EHMT1: variants seen among roughly 807,000 people sequenced by gnomAD.
EHMT1 encodes histone-lysine N-methyltransferase EHMT1.
In EHMT1, 15 loss-of-function variants were observed where a neutral mutation model predicts 147.2. That is an observed-to-expected ratio of 0.10 (90% CI 0.07 to 0.16). EHMT1 has a LOEUF of 0.16. Among genes scored for constraint, EHMT1 ranks in the 10% least tolerant of loss-of-function variants. EHMT1 has a pLI of 1.00. For missense variants in EHMT1, 1,587 were observed against 1,772.4 expected (o/e 0.90, Z 1.88); for synonymous variants, 795 against 709.6 (o/e 1.12, Z -1.91).
chr9:137,811,730 G>C, intron 19 of EHMT1, 115 bp downstream of exon 19: 1 of 1,378,890 alleles, frequency 7.3e-7, no homozygotes, highest in South Asian at 1.2e-5. Context: ...CAGGCCCTCT[G>C]TTCCTTCGTG....
intron 16 of EHMT1, among the ~76,000 whole-genome samples, chr9:137,795,401 G>GCACGCACACACACACACACACA (rs1554887413): frequency 3.6e-4 from 47 of 130,176 alleles, no homozygotes; most frequent in Non-Finnish European, 6.4e-4. Context: ...ATCGCAGGGT[G>GCACGCACACACACACACACACA]CACACACACA....
intron 6 of EHMT1, among the ~76,000 whole-genome samples, chr9:137,750,843 A>G (rs1204391423): frequency 6.6e-6 from 1 of 152,242 alleles, no homozygotes; most frequent in African/African-American, 2.4e-5. Flanking sequence ...TGTGACATGT[A>G]TAAAGGTCGA....
chr9:137,771,879 C>T (rs1227186692), intron 10 of EHMT1, among the ~76,000 whole-genome samples: 1 of 152,112 alleles, frequency 6.6e-6, no homozygotes, highest in Non-Finnish European at 1.5e-5. Context: ...TTGTATCTCG[C>T]TCAGGAGCGG....
intron 4 of EHMT1, among the ~76,000 whole-genome samples, chr9:137,740,565 A>G (rs1947967428): frequency 6.6e-6 from 1 of 152,236 alleles, no homozygotes; most frequent in African/African-American, 2.4e-5. Flanking sequence ...GTCCCCCTGC[A>G]GGACTGAAGC....
chr9:137,632,434 T>C (rs1164916203), intron 1 of EHMT1, among the ~76,000 whole-genome samples: 1 of 152,154 alleles, frequency 6.6e-6, no homozygotes, highest in Non-Finnish European at 1.5e-5. Flanking sequence ...GTTGTGCTCT[T>C]TTTTTTGTTT....
intron 16 of EHMT1, among the ~76,000 whole-genome samples, chr9:137,797,655 C>T (rs774551284): frequency 2.6e-5 from 4 of 151,968 alleles, no homozygotes; most frequent in South Asian, 2.1e-4. Context: ...GTGTGGGAAC[C>T]GGGTGTGCTG....
intron 1 of EHMT1, chr9:137,641,039 T>C: frequency 4.2e-6 from 1 of 236,728 alleles, no homozygotes; most frequent in Non-Finnish European, 8.3e-6. Flanking sequence ...ATCAGTGTCT[T>C]CCAGTTCCTC....
chr9:137,697,170 A>G, intron 1 of EHMT1: 1 of 349,158 alleles, frequency 2.9e-6, no homozygotes, highest in Non-Finnish European at 6.0e-6. Flanking sequence ...AATCCCAGCT[A>G]CTTGGGAGGC....
chr9:137,799,395 G>A (rs1953257053), intron 17 of EHMT1, among the ~76,000 whole-genome samples: 1 of 152,146 alleles, frequency 6.6e-6, no homozygotes, highest in Non-Finnish European at 1.5e-5. Context: ...CTTCCTTCCT[G>A]CTCATTGTCC....
Position 137,776,520 on chromosome 9 carries a change from G to T in EHMT1, c.1792-98G>T. On this transcript the variant is annotated intron_variant, in intron 11 of 26. Transcript: ENST00000460843. This position sits in a 1 kb window ranked among gnomAD's most constrained non-coding sequence, Gnocchi z 4.4. ...CGACCCATGGCTCACTCTGCAGACCGCCCGATGTGGGATGCGGTGCCAGTT... is the reference window on the plus strand; with the variant it reads ...CGACCCATGGCTCACTCTGCAGACCTCCCGATGTGGGATGCGGTGCCAGTT... 1 of 1,253,482 alleles carries T rather than the reference G, an allele frequency of 8.0e-7. No individual in the cohort carries two copies. The highest frequency in any genetic ancestry group is 1.1e-6 in the Non-Finnish European group (1 of 880,258). The allele number at this position is 1,253,482 out of a possible 1,614,324, so 77.6% of individuals were successfully genotyped here.
At chr9:137,800,667 T>A (rs1953401358) in intron 17 of EHMT1, 1 of 593,502 alleles carries the variant, frequency 1.7e-6, no homozygotes, top group Admixed American at 2.8e-5. Context: ...GGGCCAGTCC[T>A]GGTTCTGCCT....
At chr9:137,799,899 G>A (rs375033378) in intron 17 of EHMT1, among the ~76,000 whole-genome samples, 1 of 152,360 alleles carries the variant, frequency 6.6e-6, no homozygotes, top group African/African-American at 2.4e-5. Context: ...TCTCTCTGAC[G>A]TTGTACCCTC....
chr9:137,781,243 T>C (rs76952811), intron 14 of EHMT1, among the ~76,000 whole-genome samples: 170 of 31,428 alleles, frequency 5.4e-3, no homozygotes, highest in Non-Finnish European at 8.4e-3. Context: ...GTGACGACGC[T>C]GGGACGTGTG....
At chr9:137,644,352 T>C (rs765463645) in intron 1 of EHMT1, among the ~76,000 whole-genome samples, 4 of 147,324 alleles carry the variant, frequency 2.7e-5, no homozygotes, top group Non-Finnish European at 6.0e-5. Context: ...TGAGATGGAG[T>C]CTCATTTGGT....
intron 16 of EHMT1, among the ~76,000 whole-genome samples, chr9:137,795,573 C>G (rs139008405): frequency 1.3e-5 from 2 of 152,108 alleles, no homozygotes; most frequent in Non-Finnish European, 1.5e-5. Flanking sequence ...CACACAGACA[C>G]GGGAGGACGT....
intron 1 of EHMT1, among the ~76,000 whole-genome samples, chr9:137,651,522 G>A (rs983325270): frequency 6.6e-6 from 1 of 152,190 alleles, no homozygotes; most frequent in African/African-American, 2.4e-5. Context: ...GGTGGCTCAC[G>A]CTTGTAATCC....
intron 25 of EHMT1, among the ~76,000 whole-genome samples, chr9:137,832,141 C>G (rs1019997418): frequency 6.7e-6 from 1 of 150,154 alleles, no homozygotes; most frequent in African/African-American, 2.5e-5. Flanking sequence ...ACCCCCCAAC[C>G]CCACGTGGCC....
intron 1 of EHMT1, among the ~76,000 whole-genome samples, chr9:137,643,287 A>C (rs1304322090): frequency 7.7e-6 from 1 of 130,522 alleles, no homozygotes; most frequent in Non-Finnish European, 1.6e-5. Context: ...ACTTTTGTTT[A>C]TCTTGGAATG....
intron 1 of EHMT1, among the ~76,000 whole-genome samples, chr9:137,688,312 T>C (rs1258222874): frequency 6.6e-6 from 1 of 152,238 alleles, no homozygotes; most frequent in Non-Finnish European, 1.5e-5. Flanking sequence ...GAGTGAGCCA[T>C]TGTGCCCAGC....
Sources: gnomAD v4.1 joint callset for allele counts (sites outside exome capture counted in the v4.1 genomes callset) on GRCh38, gnomAD v4.1.1 for gene constraint, Gnocchi (gnomAD v3.1) non-coding constraint, MANE v1.5 for transcripts, NCBI Gene and HGNC (gene_info 2026-07-23, HGNC 2026-07-21) for gene names.